The following TSPAN9 variants were observed in gnomAD, a reference collection of about 807,000 sequenced individuals.
TSPAN9 encodes tetraspanin 9, also known as tetraspanin-9.
In TSPAN9, 16 loss-of-function variants were observed where a neutral mutation model predicts 31.0. That is an observed-to-expected ratio of 0.52 (90% CI 0.35 to 0.78). The LOEUF (loss-of-function observed/expected upper bound fraction) is 0.78, where lower values mean the gene tolerates loss of function less well. Among genes scored for constraint, TSPAN9 ranks in the 30% least tolerant of loss-of-function variants. TSPAN9 has a pLI of 0.01. For synonymous variants in TSPAN9, 145 were observed against 121.6 expected (o/e 1.19, Z -1.27); for missense variants, 272 against 312.5 (o/e 0.87, Z 0.98).
intron 1 of TSPAN9, 23 bp from the exon 2 acceptor site, chr12:3,083,630 C>T (rs2098298997): frequency 6.6e-6 from 1 of 152,200 alleles, no homozygotes; most frequent in Admixed American, 6.5e-5. Context: ...AAAGTGATGA[C>T]CTAATTTTTT....
At position 3,171,410 on chromosome 12, in the gene TSPAN9, C is replaced by G. The variant is rs775525992; in HGVS notation, c.-17-29767C>G. 2.0e-5 allele frequency among the ~76,000 whole-genome samples: 3 copies of G among 152,162 alleles called. No individual in the cohort carries two copies. The East Asian group carries it at 5.8e-4, about 29-fold the overall frequency. ...TGCAAATGATTGCCCACTCTCTTCTCATGTTTTCCATAATGCCAGCCCCAA... is the reference window on the plus strand; with the variant it reads ...TGCAAATGATTGCCCACTCTCTTCTGATGTTTTCCATAATGCCAGCCCCAA... On this transcript the variant is annotated intron_variant, in intron 2 of 8. Transcript: ENST00000011898.
intron 2 of TSPAN9, among the ~76,000 whole-genome samples, chr12:3,133,106 C>T (rs1565587234): frequency 1.3e-5 from 2 of 152,126 alleles, no homozygotes; most frequent in Non-Finnish European, 2.9e-5. Context: ...GACTGTCCCT[C>T]GGTGAAGGAA....
chr12:3,154,929 A>G lies in TSPAN9; in HGVS notation c.-17-46248A>G, dbSNP rs781035451. Among the ~76,000 whole-genome samples, 91 of 152,272 alleles carry G rather than the reference A, an allele frequency of 6.0e-4. 1 individual carries two copies. Among genetic ancestry groups the G allele is most frequent in the Non-Finnish European group, 1.0e-3 (71 of 68,024 alleles). Reference sequence around the variant, plus strand: ...TTTCTAGCGACTTCTCCAGCCCCCTACAGACATGATCTAGCTAGGACAGAG... The same window carrying G: ...TTTCTAGCGACTTCTCCAGCCCCCTGCAGACATGATCTAGCTAGGACAGAG... On this transcript the variant is annotated intron_variant, in intron 2 of 8. Coordinates refer to ENST00000011898, the MANE Select transcript of TSPAN9 (RefSeq NM_006675.5).
At chr12:3,262,140 G>A (rs902025308) in intron 3 of TSPAN9, among the ~76,000 whole-genome samples, 1 of 152,192 alleles carries the variant, frequency 6.6e-6, no homozygotes, top group Admixed American at 6.5e-5. Flanking sequence ...GAGATGCAAA[G>A]CCGCCACGTG....
At chr12:3,217,263 G>T (rs11062577) in intron 3 of TSPAN9, among the ~76,000 whole-genome samples, 10,601 of 152,246 alleles carry the variant, frequency 0.07, 397 homozygotes, top group Middle Eastern at 0.11. Flanking sequence ...GTAGCATCCT[G>T]GGGTCCCTGA....
In TSPAN9 at chr12:3,283,459, A is replaced by C; in HGVS notation, c.*343A>C. On this transcript the variant is annotated 3_prime_UTR_variant, in exon 9 of 9. Transcript: ENST00000011898. Reference sequence around the variant, plus strand: ...CCTCACACTGACACTTTGTCCCCACATGGGGTGGGGAGCAGAGTGCCCGCC... The same window carrying C: ...CCTCACACTGACACTTTGTCCCCACCTGGGGTGGGGAGCAGAGTGCCCGCC... The C allele has an allele frequency of 1.2e-4, 24 of 204,828 alleles. No homozygotes were observed. Among genetic ancestry groups the C allele is most frequent in the East Asian group, 3.9e-4 (3 of 7,740 alleles). 12.7% of individuals were successfully genotyped at this position (204,828 alleles called of 1,614,324 possible).
intron 2 of TSPAN9, among the ~76,000 whole-genome samples, chr12:3,145,193 C>T (rs1056175095): frequency 2.6e-5 from 4 of 152,168 alleles, no homozygotes; most frequent in Admixed American, 1.3e-4. Context: ...CCGTGAGGCC[C>T]TCCGGTCAGG....
chr12:3,226,281 C>G (rs1480534133), intron 3 of TSPAN9, among the ~76,000 whole-genome samples: 2 of 152,046 alleles, frequency 1.3e-5, no homozygotes, highest in African/African-American at 4.8e-5. Flanking sequence ...GATAACCTGC[C>G]ATTCTTGGTC....
At chr12:3,096,041 C>CCCCT (rs1565573842) in intron 2 of TSPAN9, among the ~76,000 whole-genome samples, 2 of 145,674 alleles carry the variant, frequency 1.4e-5, no homozygotes, top group African/African-American at 5.4e-5. Flanking sequence ...GCCGCTGCCT[C>CCCCT]CCGGGCGGCG....
chr12:3,265,613 G>A (rs1048224810), intron 3 of TSPAN9, among the ~76,000 whole-genome samples: 1 of 152,170 alleles, frequency 6.6e-6, no homozygotes, highest in African/African-American at 2.4e-5. Flanking sequence ...CTGAGCGTCT[G>A]TCCGCTGCCC....
intron 2 of TSPAN9, among the ~76,000 whole-genome samples, chr12:3,097,033 G>A (rs1282437489): frequency 6.6e-6 from 1 of 152,146 alleles, no homozygotes; most frequent in African/African-American, 2.4e-5. Flanking sequence ...TGGGAGGGGA[G>A]TTATGCTGCC....
At chr12:3,102,599 G>A (rs570040300) in intron 2 of TSPAN9, among the ~76,000 whole-genome samples, 3 of 151,944 alleles carry the variant, frequency 2.0e-5, no homozygotes, top group Admixed American at 6.6e-5. Flanking sequence ...CACCACGCCC[G>A]GCTAATTTTT....
chr12:3,095,414 G>C (rs2098307667), intron 2 of TSPAN9, among the ~76,000 whole-genome samples: 1 of 149,944 alleles, frequency 6.7e-6, no homozygotes, highest in African/African-American at 2.5e-5. Context: ...TGGTGGCCGG[G>C]CAGAGGGGCT....
chr12:3,161,785 A>G (rs1174949906), intron 2 of TSPAN9, among the ~76,000 whole-genome samples: 2 of 150,260 alleles, frequency 1.3e-5, no homozygotes, highest in African/African-American at 5.0e-5. Flanking sequence ...CTATCTATCT[A>G]TCTATCTATC....
chr12:3,114,494 G>C (rs2098321052), intron 2 of TSPAN9, among the ~76,000 whole-genome samples: 1 of 152,088 alleles, frequency 6.6e-6, no homozygotes, highest in Non-Finnish European at 1.5e-5. Context: ...ACTGGCAGGA[G>C]GTGGTGAATT....
intron 3 of TSPAN9, among the ~76,000 whole-genome samples, chr12:3,266,187 T>G (rs982811248): frequency 1.1e-4 from 16 of 152,132 alleles, no homozygotes; most frequent in African/African-American, 3.9e-4. Flanking sequence ...CTTTCTGGCT[T>G]TCATGGGAAA....
At chr12:3,218,188 T>C (rs1418081160) in intron 3 of TSPAN9, among the ~76,000 whole-genome samples, 1 of 152,194 alleles carries the variant, frequency 6.6e-6, no homozygotes, top group African/African-American at 2.4e-5. Context: ...GGCTTTGTTT[T>C]GGCTTTCTCT....
intron 3 of TSPAN9, among the ~76,000 whole-genome samples, chr12:3,228,280 A>G (rs567204751): frequency 6.6e-6 from 1 of 152,324 alleles, no homozygotes; most frequent in South Asian, 2.1e-4. Context: ...CTGGAGGATC[A>G]CTTGAGCCCG....
intron 3 of TSPAN9, among the ~76,000 whole-genome samples, chr12:3,260,457 C>G (rs1263885424): frequency 4.6e-5 from 7 of 152,178 alleles, no homozygotes; most frequent in Non-Finnish European, 8.8e-5. Flanking sequence ...GGAAACTTTT[C>G]CCCAGGGAAC....
Sources: gnomAD v4.1 joint callset for allele counts (sites outside exome capture counted in the v4.1 genomes callset) on GRCh38, gnomAD v4.1.1 for gene constraint, MANE v1.5 for transcripts, NCBI Gene and HGNC (gene_info 2026-07-23, HGNC 2026-07-21) for gene names.